GLIS1: variants seen among roughly 807,000 people sequenced by gnomAD.
GLIS1 encodes the protein zinc finger protein GLIS1.
GLIS1 carries 24 observed loss-of-function variants against 63.8 expected under a neutral mutation model. The observed-to-expected ratio is 0.38, with a 90% confidence interval of 0.27 to 0.53. The LOEUF is 0.53. GLIS1 is among the 20% of genes least tolerant of loss of function. The pLI is 0.85. For synonymous variants in GLIS1, 450 were observed against 482.5 expected (o/e 0.93, Z 0.88); for missense variants, 1,036 against 1,074.1 (o/e 0.96, Z 0.50).
chr1:53,691,120 C>T (rs1646400543), intron 2 of GLIS1, among the ~76,000 whole-genome samples: 1 of 152,158 alleles, frequency 6.6e-6, no homozygotes. Flanking sequence ...CTTTGGGAGG[C>T]TGAGTCAGGA....
At chr1:53,644,781 A>C (rs2100302418) in intron 2 of GLIS1, among the ~76,000 whole-genome samples, 2 of 152,330 alleles carry the variant, frequency 1.3e-5, no homozygotes, top group East Asian at 3.9e-4. Context: ...CAGGCCACAG[A>C]GAGGATCCAG....
intron 7 of GLIS1, among the ~76,000 whole-genome samples, chr1:53,519,163 C>T (rs1644381798): frequency 6.6e-6 from 1 of 152,184 alleles, no homozygotes. Context: ...GCCCCCCGGT[C>T]CCTTCCAGCC....
chr1:53,546,133 C>T (rs762861493), intron 4 of GLIS1, among the ~76,000 whole-genome samples: 6 of 152,232 alleles, frequency 3.9e-5, no homozygotes, highest in South Asian at 2.1e-4. Context: ...GGTGCCTCCT[C>T]GCAGGGTGAC....
At chr1:53,719,558 A>G (rs1646732630) in intron 2 of GLIS1, among the ~76,000 whole-genome samples, 1 of 152,210 alleles carries the variant, frequency 6.6e-6, no homozygotes, top group African/African-American at 2.4e-5. Context: ...GGACTCAGCC[A>G]GACCCACAAT....
intron 4 of GLIS1, among the ~76,000 whole-genome samples, chr1:53,585,354 G>A (rs138884208): frequency 7.6e-4 from 116 of 152,226 alleles, no homozygotes; most frequent in Admixed American, 1.7e-3. Flanking sequence ...GGAAACCAAG[G>A]CTCAGAGATG....
rs1644613372 is a variant in GLIS1, at chr1:53,539,195, G to A, written c.1321-9243C>T. Among the ~76,000 whole-genome samples, 1 of 151,410 alleles carries A rather than the reference G, an allele frequency of 6.6e-6. No homozygotes were observed. The highest frequency in any genetic ancestry group is 2.4e-5 in the African/African-American group (1 of 41,040). Reference sequence around the variant, plus strand: ...TGTGAACACCTCTCCCTCCAACCAAGCCACACGTCGGAGACAGCCCCAACA... The same window carrying A: ...TGTGAACACCTCTCCCTCCAACCAAACCACACGTCGGAGACAGCCCCAACA... On this transcript the variant is annotated intron_variant, in intron 4 of 10. Transcript: ENST00000628545. The surrounding 1 kb of genome is among the most constrained non-coding windows in gnomAD (Gnocchi z 5.0).
chr1:53,672,771 C>T (rs1425624942), intron 2 of GLIS1, among the ~76,000 whole-genome samples: 3 of 152,236 alleles, frequency 2.0e-5, no homozygotes, highest in African/African-American at 7.2e-5. Flanking sequence ...CCCTTCCCGA[C>T]ACAAACCTCG....
chr1:53,531,682 C>T (rs905510404), intron 4 of GLIS1, among the ~76,000 whole-genome samples: 8 of 152,192 alleles, frequency 5.3e-5, no homozygotes, highest in African/African-American at 1.4e-4. Context: ...CATAAAGCGA[C>T]GTGGTTGAGA....
intron 2 of GLIS1, among the ~76,000 whole-genome samples, chr1:53,721,837 T>C (rs1171739508): frequency 1.3e-5 from 2 of 152,160 alleles, no homozygotes; most frequent in Non-Finnish European, 2.9e-5. Flanking sequence ...GACATAAAAT[T>C]CAATTTTTTA....
chr1:53,682,539 C>A (rs1646287048), intron 2 of GLIS1, among the ~76,000 whole-genome samples: 1 of 152,224 alleles, frequency 6.6e-6, no homozygotes, highest in Non-Finnish European at 1.5e-5. Context: ...TGGCAGAGAC[C>A]CTAAGTGCTG....
intron 4 of GLIS1, 136 bp downstream of exon 4, chr1:53,593,972 G>T: frequency 1.9e-6 from 2 of 1,058,400 alleles, no homozygotes; most frequent in South Asian, 1.7e-5. Context: ...CACAGCATGG[G>T]TCCTTTCCTC....
intron 3 of GLIS1, among the ~76,000 whole-genome samples, chr1:53,597,198 A>C (rs1469520660): frequency 2.0e-5 from 3 of 147,012 alleles, no homozygotes; most frequent in East Asian, 2.0e-4. Flanking sequence ...AAAAAAAAAA[A>C]AAAAAAAAAA....
chr1:53,604,912 A>ATGTG (rs763835438), intron 2 of GLIS1, among the ~76,000 whole-genome samples: 74 of 36,950 alleles, frequency 2.0e-3, no homozygotes, highest in African/African-American at 2.7e-3. Flanking sequence ...ATATATATAT[A>ATGTG]TGTGTGTGTG....
chr1:53,592,131 G>A (rs544433396), intron 4 of GLIS1, among the ~76,000 whole-genome samples: 3 of 152,130 alleles, frequency 2.0e-5, no homozygotes. Context: ...GGAATCAAGT[G>A]AGATCCTGGC....
intron 2 of GLIS1, among the ~76,000 whole-genome samples, chr1:53,657,366 G>A (rs1429259171): frequency 6.6e-6 from 1 of 152,136 alleles, no homozygotes; most frequent in Non-Finnish European, 1.5e-5. Flanking sequence ...CAAGGGAGAT[G>A]GGTAAGAGGG....
At position 53,506,811 on chromosome 1, in the gene GLIS1, C is replaced by T. The variant is rs761492751; in HGVS notation, c.2231-35G>A. ...GTTGGGAAAGGGTCAGCGCTGGAGG[C>T]AGCAGGGGCTGTGCCTGCGCATGCT... is the stretch of plus-strand genomic sequence containing the variant. On this transcript the variant is annotated intron_variant, in intron 10 of 10. Transcript: ENST00000628545. 3.1e-6 allele frequency: 5 copies of T among 1,589,758 alleles called. No individual in the cohort carries two copies. In the South Asian group the frequency reaches 5.6e-5, roughly 18 times the overall value.
chr1:53,527,945 G>A (rs1644487785), intron 5 of GLIS1, among the ~76,000 whole-genome samples: 1 of 152,196 alleles, frequency 6.6e-6, no homozygotes. Context: ...GTTGCTTTGG[G>A]GCTGGGTCCA....
rs527771961 is a variant in GLIS1, at chr1:53,678,093, T to A, written c.259+59713A>T. 3.3e-5 allele frequency among the ~76,000 whole-genome samples: 5 copies of A among 152,214 alleles called. No individual in the cohort carries two copies. In the East Asian group the frequency reaches 9.7e-4, roughly 29 times the overall value. ...CCTTGGGAAACATACTGGCTGTGGA[T>A]GGCCCGAGGTCTGTTGATCCTGGTC... On this transcript the variant is annotated intron_variant, in intron 2 of 10. Transcript: ENST00000628545.
intron 2 of GLIS1, among the ~76,000 whole-genome samples, chr1:53,663,054 C>T (rs916083739): frequency 3.3e-5 from 5 of 152,144 alleles, no homozygotes; most frequent in Non-Finnish European, 4.4e-5. Context: ...AAGCATCTGT[C>T]GCAGCTCTCC....
Sources: gnomAD v4.1 joint callset for allele counts (sites outside exome capture counted in the v4.1 genomes callset) on GRCh38, gnomAD v4.1.1 for gene constraint, Gnocchi (gnomAD v3.1) non-coding constraint, MANE v1.5 for transcripts, NCBI Gene and HGNC (gene_info 2026-07-23, HGNC 2026-07-21) for gene names.